The following PLEKHA1 variants were observed in gnomAD, a reference collection of about 807,000 sequenced individuals.
PLEKHA1 encodes pleckstrin homology domain containing A1.
PLEKHA1 carries 34 observed loss-of-function variants against 52.0 expected under a neutral mutation model. The observed-to-expected ratio is 0.65, with a 90% CI of 0.50 to 0.87. The LOEUF (loss-of-function observed/expected upper bound fraction) is 0.87, where lower values mean the gene tolerates loss of function less well. PLEKHA1 is among the 40% of genes least tolerant of loss of function. PLEKHA1 has a pLI of 0.00. For synonymous variants in PLEKHA1, 163 were observed against 170.7 expected (o/e 0.95, Z 0.35); for missense variants, 497 against 504.2 (o/e 0.99, Z 0.14).
chr10:122,414,669 A>G (rs1000573466), intron 6 of PLEKHA1, among the ~76,000 whole-genome samples: 1 of 152,174 alleles, frequency 6.6e-6, no homozygotes, highest in African/African-American at 2.4e-5. Context: ...AAAGATAAAC[A>G]GATGGTAAGT....
chr10:122,401,638 T>C (rs2096930804), intron 4 of PLEKHA1, among the ~76,000 whole-genome samples: 2 of 152,146 alleles, frequency 1.3e-5, no homozygotes, highest in African/African-American at 4.8e-5. Context: ...CTGTTGACAG[T>C]AATCGAGGAC....
chr10:122,439,160 A>C, the PLEKHA1 span: 1 of 152,020 alleles, frequency 6.6e-6, no homozygotes, highest in African/African-American at 2.4e-5. Context: ...TCCCTCTTTA[A>C]TTTGGTGAAA....
chr10:122,402,320 A>T (rs1014017853), intron 4 of PLEKHA1, among the ~76,000 whole-genome samples: 2 of 152,200 alleles, frequency 1.3e-5, no homozygotes, highest in Non-Finnish European at 2.9e-5. Context: ...GATTCATGAA[A>T]TGCTTACCTT....
intron 4 of PLEKHA1, among the ~76,000 whole-genome samples, chr10:122,402,232 G>T (rs1342686387): frequency 6.6e-6 from 1 of 152,086 alleles, no homozygotes; most frequent in African/African-American, 2.4e-5. Context: ...GGTGATTTTA[G>T]TTGGAATCAA....
chr10:122,417,424 G>C (rs188759021), intron 7 of PLEKHA1, among the ~76,000 whole-genome samples: 183 of 152,016 alleles, frequency 1.2e-3, no homozygotes, highest in African/African-American at 3.3e-3. Flanking sequence ...CAAGGTGGGC[G>C]GATCACCTGA....
At chr10:122,420,951 A>G (rs2097252310) in intron 8 of PLEKHA1, 1 of 152,218 alleles carries the variant, frequency 6.6e-6, no homozygotes, top group Non-Finnish European at 1.5e-5. Flanking sequence ...ATCAAGAACT[A>G]TATTAAGGAT....
Position 122,393,283 on chromosome 10 carries a change from G to C in PLEKHA1, c.83G>C (p.Arg28Thr). The C allele has an allele frequency of 6.2e-7, 1 of 1,612,806 alleles. No individual in the cohort carries two copies. Among genetic ancestry groups the C allele is most frequent in the Non-Finnish European group, 8.5e-7 (1 of 1,179,402 alleles). The change falls in exon 2 of 12, where the codon AGG becomes ACG. Residue 28 changes from arginine to threonine, a missense_variant. Arg to Thr is a moderately conservative substitution (Grantham distance 71, BLOSUM62 -1). Transcript: ENST00000368990. This position sits in a 1 kb window ranked among gnomAD's most constrained non-coding sequence, Gnocchi z 4.5. ...GAAAACAGTGGGAAATTTCTTCGAA[G>C]GTACTTCATACTGGATACCAGAGAA... Reference protein sequence around the residue: ...ENENSGKFLRRYFILDTREDS... With the variant: ...ENENSGKFLRTYFILDTREDS...
At chr10:122,386,783 G>A (rs1274370360) in intron 1 of PLEKHA1, 1 of 152,140 alleles carries the variant, frequency 6.6e-6, no homozygotes, top group Non-Finnish European at 1.5e-5. Flanking sequence ...TAAAAGACCG[G>A]TGTTATTTTT....
At chr10:122,415,830 A>G in intron 6 of PLEKHA1, 29 bp from the exon 7 acceptor site, 1 of 1,578,484 alleles carries the variant, frequency 6.3e-7, no homozygotes, top group Non-Finnish European at 8.7e-7. Context: ...CAAGCAAGAA[A>G]ATAATTTATT....
At chr10:122,420,513 G>A (rs2097244575) in intron 8 of PLEKHA1, 1 of 152,036 alleles carries the variant, frequency 6.6e-6, no homozygotes, top group Non-Finnish European at 1.5e-5. Context: ...GCAAATCCTA[G>A]ATGTCTCCCA....
At chr10:122,386,745 C>A (rs1941208757) in intron 1 of PLEKHA1, 1 of 152,162 alleles carries the variant, frequency 6.6e-6, no homozygotes, top group Admixed American at 6.5e-5. Context: ...ATTAACTGTT[C>A]TCTCTTCCTG....
chr10:122,397,372 C>T (rs1197538042), intron 2 of PLEKHA1, among the ~76,000 whole-genome samples: 5 of 151,990 alleles, frequency 3.3e-5, no homozygotes, highest in Non-Finnish European at 7.4e-5. Flanking sequence ...AAAGTGCCTA[C>T]ATTCCCTGCA....
At chr10:122,414,820 CAT>C (rs993718637) in intron 6 of PLEKHA1, among the ~76,000 whole-genome samples, 1 of 151,840 alleles carries the variant, frequency 6.6e-6, no homozygotes, top group Non-Finnish European at 1.5e-5. Flanking sequence ...TGAGGAGAAA[CAT>C]AATCTCTCAG....
chr10:122,411,677 C>T (rs540297375), intron 5 of PLEKHA1: 1 of 152,218 alleles, frequency 6.6e-6, no homozygotes, highest in African/African-American at 2.4e-5. Flanking sequence ...AAATAATGTT[C>T]CTGGGTGATA....
downstream of PLEKHA1, chr10:122,436,801 G>T (rs368889941): frequency 3.3e-5 from 5 of 152,174 alleles, no homozygotes; most frequent in African/African-American, 1.2e-4. Flanking sequence ...TAAAAGCCAT[G>T]TGACTTTATA....
chr10:122,404,263 A>G (rs575423889), intron 4 of PLEKHA1, among the ~76,000 whole-genome samples: 2 of 152,248 alleles, frequency 1.3e-5, no homozygotes, highest in African/African-American at 4.8e-5. Context: ...TCATACCTAT[A>G]TATCTACGTC....
intron 1 of PLEKHA1, among the ~76,000 whole-genome samples, chr10:122,380,514 G>T (rs2096599551): frequency 6.6e-6 from 1 of 152,228 alleles, no homozygotes; most frequent in Non-Finnish European, 1.5e-5. Context: ...ACGTGACTTT[G>T]AGTTACAAGT....
intron 4 of PLEKHA1, among the ~76,000 whole-genome samples, chr10:122,403,246 A>G (rs2096956405): frequency 6.6e-6 from 1 of 152,358 alleles, no homozygotes; most frequent in Admixed American, 6.5e-5. Flanking sequence ...GATAAAAACC[A>G]TCAAGGAAGT....
In PLEKHA1 at chr10:122,423,040, A is replaced by G. The variant is rs2097282544; in HGVS notation, c.682-1159A>G. 3 of 152,138 alleles carry G rather than the reference A, an allele frequency of 2.0e-5. No individual in the cohort carries two copies. The South Asian group carries it at 6.2e-4, about 32-fold the overall frequency. The allele number at this position is 152,138 out of a possible 1,614,324, so 9.4% of individuals were successfully genotyped here. ...AGAAATTCTTTGTACTGTTTTTCTC[A>G]GTCTCTTATTAAGTGTGAAATTATT... is the stretch of plus-strand genomic sequence containing the variant. On this transcript the variant is annotated intron_variant, in intron 8 of 11. Coordinates refer to ENST00000368990, the MANE Select transcript of PLEKHA1 (RefSeq NM_001001974.4).
Sources: gnomAD v4.1 joint callset for allele counts (sites outside exome capture counted in the v4.1 genomes callset) on GRCh38, gnomAD v4.1.1 for gene constraint, Gnocchi (gnomAD v3.1) non-coding constraint, MANE v1.5 for transcripts, NCBI Gene and HGNC (gene_info 2026-07-23, HGNC 2026-07-21) for gene names.